The following ABCC4 variants were observed in gnomAD, a reference collection of about 807,000 sequenced individuals.
ABCC4 encodes ATP binding cassette subfamily C member 4 (PEL blood group), also known as ATP-binding cassette sub-family C member 4.
ABCC4 carries 102 observed loss-of-function variants against 168.5 expected under a neutral mutation model. That is an observed-to-expected ratio of 0.61 (90% CI 0.52 to 0.71). ABCC4 has a LOEUF of 0.71. Among genes scored for constraint, ABCC4 ranks in the 30% least tolerant of loss-of-function variants. The probability of loss-of-function intolerance (pLI) is 0.00; values close to 1 mark genes in which losing one functional copy is unlikely to be tolerated. For synonymous variants in ABCC4, 617 were observed against 590.7 expected (o/e 1.04, Z -0.65); for missense variants, 1,402 against 1,605.8 (o/e 0.87, Z 2.17).
chr13:95,065,154 A>G (rs1057243446), intron 25 of ABCC4, among the ~76,000 whole-genome samples: 9 of 152,208 alleles, frequency 5.9e-5, no homozygotes, highest in Non-Finnish European at 1.3e-4. Flanking sequence ...TCACAGGCTC[A>G]AAACACCCAT....
intron 20 of ABCC4, among the ~76,000 whole-genome samples, chr13:95,102,880 C>T (rs2034862915): frequency 6.6e-6 from 1 of 151,718 alleles, no homozygotes; most frequent in African/African-American, 2.4e-5. Context: ...CTTGGCCTCC[C>T]AAAGTGCTGG....
chr13:95,209,091 T>C (rs1240133497), intron 6 of ABCC4, among the ~76,000 whole-genome samples: 2 of 152,244 alleles, frequency 1.3e-5, no homozygotes, highest in Admixed American at 6.5e-5. Flanking sequence ...TAAAGATGTA[T>C]GCAGCTAGAA....
Position 95,104,958 on chromosome 13 carries a change from T to G in ABCC4, c.2535+10964A>C, listed in dbSNP as rs144024653. Among the ~76,000 whole-genome samples the G allele has an allele frequency of 2.0e-3, 309 of 152,302 alleles. 3 individuals carry two copies. The highest frequency in any genetic ancestry group is 6.7e-3 in the African/African-American group (278 of 41,562). On this transcript the variant is annotated intron_variant, in intron 20 of 30. Coordinates refer to ENST00000645237, the MANE Select transcript of ABCC4 (RefSeq NM_005845.5). ...TCCATGGATGGCGATGGAGGTAGTTTCAGGATGATTCAAGCCCATTACATT... is the reference window on the plus strand; with the variant it reads ...TCCATGGATGGCGATGGAGGTAGTTGCAGGATGATTCAAGCCCATTACATT...
chr13:95,195,703 G>A (rs2038394928), intron 8 of ABCC4, among the ~76,000 whole-genome samples: 1 of 151,992 alleles, frequency 6.6e-6, no homozygotes, highest in South Asian at 2.1e-4. Flanking sequence ...GCACGATCTC[G>A]GTTCGCTGCA....
At chr13:95,238,907 T>C (rs2039852824) in intron 3 of ABCC4, among the ~76,000 whole-genome samples, 1 of 152,158 alleles carries the variant, frequency 6.6e-6, no homozygotes, top group Admixed American at 6.5e-5. Flanking sequence ...TGCTGCCAAA[T>C]GTTAGGCTTC....
intron 1 of ABCC4, among the ~76,000 whole-genome samples, chr13:95,263,023 G>T (rs1433138054): frequency 2.6e-5 from 4 of 152,076 alleles, no homozygotes; most frequent in Non-Finnish European, 4.4e-5. Flanking sequence ...ACATTTTGGG[G>T]ACTTTTGTGG....
At chr13:95,160,275 T>A (rs2037050503) in intron 19 of ABCC4, among the ~76,000 whole-genome samples, 2 of 152,210 alleles carry the variant, frequency 1.3e-5, no homozygotes, top group South Asian at 4.1e-4. Context: ...AGGCCAAAGC[T>A]GTGCCTGTGT....
Position 95,164,408 on chromosome 13 carries a change from A to T in ABCC4, c.2145T>A (p.Ile715=). ...CTGCAGTGTTTAGGAGAATAAGGAA[A>T]ATGAAGACAATCCAGTGAGCACCAG... ...FRAGAHWIVF[I]FLILLNTAAQ... The change falls in exon 16 of 31, where the codon ATT becomes ATA. Residue 715 remains isoleucine, a synonymous_variant. Coordinates refer to ENST00000645237, the MANE Select transcript of ABCC4 (RefSeq NM_005845.5). 5 of 1,614,176 alleles carry T rather than the reference A, an allele frequency of 3.1e-6. No individual in the cohort carries two copies. The highest frequency in any genetic ancestry group is 3.4e-6 in the Non-Finnish European group (4 of 1,180,014).
intron 30 of ABCC4, among the ~76,000 whole-genome samples, chr13:95,029,242 AG>A (rs2031744297): frequency 3.9e-4 from 2 of 5,186 alleles, no homozygotes; most frequent in African/African-American, 6.8e-4. Context: ...AGAGAGAGAG[AG>A]AGAGAGAGAG....
intron 26 of ABCC4, among the ~76,000 whole-genome samples, chr13:95,060,330 T>C (rs1594028039): frequency 6.6e-6 from 1 of 152,208 alleles, no homozygotes; most frequent in African/African-American, 2.4e-5. Flanking sequence ...TCAAGGTATA[T>C]TTAGTCTTTG....
At chr13:95,274,864 G>A (rs537785620) in intron 1 of ABCC4, among the ~76,000 whole-genome samples, 3 of 152,230 alleles carry the variant, frequency 2.0e-5, no homozygotes, top group South Asian at 2.1e-4. Context: ...ATCACTTGAC[G>A]TCAGGAGTTC....
intron 1 of ABCC4, among the ~76,000 whole-genome samples, chr13:95,275,170 C>T (rs1307603760): frequency 6.6e-6 from 1 of 152,210 alleles, no homozygotes; most frequent in Non-Finnish European, 1.5e-5. Flanking sequence ...AGGCCTACAT[C>T]ACCCTATGAT....
In ABCC4 at chr13:95,240,879, A is replaced by T. The variant is rs374311884; in HGVS notation, c.307-6045T>A. ...CCAGCTATTCGGGAGGCTGAGGCAG[A>T]AGAATGGCTTGAACCAAGGAGACAG... On this transcript the variant is annotated intron_variant, in intron 3 of 30. Transcript: ENST00000645237. 3.6e-4 allele frequency among the ~76,000 whole-genome samples: 55 copies of T among 151,670 alleles called. 1 individual carries two copies. In the South Asian group the frequency reaches 0.011, roughly 31 times the overall value.
At chr13:95,131,263 G>A (rs1388624849) in intron 19 of ABCC4, among the ~76,000 whole-genome samples, 1 of 152,164 alleles carries the variant, frequency 6.6e-6, no homozygotes, top group Admixed American at 6.6e-5. Flanking sequence ...GCATGCCAAG[G>A]AAAGGCGACA....
At chr13:95,036,432 T>C (rs912142183) in intron 29 of ABCC4, among the ~76,000 whole-genome samples, 4 of 151,072 alleles carry the variant, frequency 2.6e-5, no homozygotes, top group African/African-American at 9.7e-5. Flanking sequence ...TCTTTCCAGA[T>C]TCCCTCTCAT....
intron 1 of ABCC4, among the ~76,000 whole-genome samples, chr13:95,276,512 AAAAAAAAG>A (rs2040975303): frequency 6.6e-6 from 1 of 151,420 alleles, no homozygotes; most frequent in Middle Eastern, 3.4e-3. Context: ...GCCTCAAAAA[AAAAAAAAG>A]AAAAAAAGAA....
chr13:95,145,437 A>G (rs991487902), intron 19 of ABCC4, among the ~76,000 whole-genome samples: 4 of 151,414 alleles, frequency 2.6e-5, no homozygotes, highest in Non-Finnish European at 5.9e-5. Flanking sequence ...TCTGGGTAAC[A>G]TGGTAAAACC....
intron 9 of ABCC4, among the ~76,000 whole-genome samples, chr13:95,192,403 T>TG (rs34910381): frequency 6.6e-6 from 1 of 152,104 alleles, no homozygotes; most frequent in South Asian, 2.1e-4. Context: ...GAAAACAGGA[T>TG]GGAGTGTTCT....
At chr13:95,073,351 T>A in intron 23 of ABCC4, 47 bp from the exon 24 acceptor site, 3 of 1,442,650 alleles carry the variant, frequency 2.1e-6, no homozygotes, top group Non-Finnish European at 2.9e-6. Context: ...ACTTCAAACC[T>A]AAGCCTGGCT....
Sources: allele counts gnomAD v4.1 joint callset (sites outside exome capture counted in the v4.1 genomes callset), GRCh38; gene constraint gnomAD v4.1.1; transcripts MANE v1.5; gene names NCBI Gene and HGNC (gene_info 2026-07-23, HGNC 2026-07-21).